The following RGS20 variants were observed in gnomAD, a reference collection of about 807,000 sequenced individuals.
The protein encoded by RGS20 is gz-selective GTPase-activating protein.
RGS20 carries 30 observed loss-of-function variants against 33.6 expected under a neutral mutation model. The ratio of observed to expected loss-of-function variants is 0.89; its 90% CI spans 0.67 to 1.21. The LOEUF (loss-of-function observed/expected upper bound fraction) is 1.21. Ranked by LOEUF, RGS20 falls within the 50% of genes most tolerant of loss-of-function variation. The pLI is 0.00. For synonymous variants in RGS20, 208 were observed against 197.9 expected (o/e 1.05, Z -0.43); for missense variants, 472 against 502.4 (o/e 0.94, Z 0.58).
intron 2 of RGS20, among the ~76,000 whole-genome samples, chr8:53,895,604 C>T (rs922109771): frequency 9.9e-5 from 15 of 151,842 alleles, no homozygotes. Flanking sequence ...CCTCTGCCTG[C>T]TTTTGTATGC....
intron 5 of RGS20, among the ~76,000 whole-genome samples, chr8:53,954,621 G>A (rs1814808084): frequency 6.6e-6 from 1 of 151,580 alleles, no homozygotes; most frequent in African/African-American, 2.4e-5. Context: ...CCGAGATTGT[G>A]CCATTGCACT....
At chr8:53,914,220 G>GAGGCCCCGCCCCCCGGTCAT in intron 2 of RGS20, among the ~76,000 whole-genome samples, 1 of 152,050 alleles carries the variant, frequency 6.6e-6, no homozygotes, top group African/African-American at 2.4e-5. Context: ...TGTAGAGATA[G>GAGGCCCCGCCCCCCGGTCAT]AGGTCATGCA....
chr8:53,883,136 C>T (rs1199460520), intron 2 of RGS20, among the ~76,000 whole-genome samples: 3 of 151,326 alleles, frequency 2.0e-5, no homozygotes, highest in Non-Finnish European at 4.4e-5. Context: ...ATCTTCTGTT[C>T]GTTAAGTGAC....
chr8:53,860,980 A>AC (rs1347878686), intron 1 of RGS20, among the ~76,000 whole-genome samples: 2 of 152,082 alleles, frequency 1.3e-5, no homozygotes, highest in African/African-American at 4.8e-5. Flanking sequence ...AAAAAAAAAA[A>AC]GATCAATCAG....
At chr8:53,924,964 T>A (rs1397762962) in intron 2 of RGS20, among the ~76,000 whole-genome samples, 2 of 152,188 alleles carry the variant, frequency 1.3e-5, no homozygotes, top group African/African-American at 4.8e-5. Flanking sequence ...TCTCAACTTT[T>A]AAAGCACTGA....
At chr8:53,932,287 C>G (rs750990413) in intron 2 of RGS20, among the ~76,000 whole-genome samples, 3 of 152,124 alleles carry the variant, frequency 2.0e-5, no homozygotes, top group Non-Finnish European at 4.4e-5. Context: ...GAACCGTTCA[C>G]ACCCCTGAAA....
chr8:53,856,735 C>T (rs555075609), intron 1 of RGS20, among the ~76,000 whole-genome samples: 3 of 152,288 alleles, frequency 2.0e-5, no homozygotes, highest in African/African-American at 7.2e-5. Context: ...ATGGTCAGAG[C>T]TTAGACAAGA....
intron 1 of RGS20, among the ~76,000 whole-genome samples, chr8:53,871,107 T>C (rs762564703): frequency 5.8e-5 from 5 of 85,914 alleles, no homozygotes; most frequent in African/African-American, 1.1e-4. Context: ...TGAGACTCCA[T>C]CTCACAAAAA....
At chr8:53,915,393 A>G (rs1813456192) in intron 2 of RGS20, among the ~76,000 whole-genome samples, 1 of 151,060 alleles carries the variant, frequency 6.6e-6, no homozygotes, top group Non-Finnish European at 1.5e-5. Context: ...TTCTACAGGG[A>G]TCTCCCGGAG....
intron 2 of RGS20, among the ~76,000 whole-genome samples, chr8:53,921,846 C>A (rs1813656665): frequency 6.6e-6 from 1 of 151,738 alleles, no homozygotes; most frequent in African/African-American, 2.4e-5. Context: ...ATTTTCTATT[C>A]CATTGTGTTT....
intron 2 of RGS20, among the ~76,000 whole-genome samples, chr8:53,903,410 C>T (rs1563380775): frequency 6.6e-6 from 1 of 152,166 alleles, no homozygotes. Flanking sequence ...CTGGAATGCT[C>T]GTTACACAGT....
At chr8:53,899,903 C>G (rs564098983) in intron 2 of RGS20, among the ~76,000 whole-genome samples, 49 of 152,292 alleles carry the variant, frequency 3.2e-4, no homozygotes, top group Non-Finnish European at 6.3e-4. Flanking sequence ...CCGCCCTCAG[C>G]AGACCTCCTG....
At chr8:53,948,338 T>C (rs527606641) in intron 4 of RGS20, among the ~76,000 whole-genome samples, 3 of 140,958 alleles carry the variant, frequency 2.1e-5, no homozygotes, top group Admixed American at 7.2e-5. Context: ...TATAAGACAG[T>C]ATATATTTAT....
chr8:53,895,500 C>G (rs1812832583), intron 2 of RGS20, among the ~76,000 whole-genome samples: 1 of 152,174 alleles, frequency 6.6e-6, no homozygotes, highest in African/African-American at 2.4e-5. Flanking sequence ...ACTTTAGAAT[C>G]TGCGCTTCCT....
At chr8:53,858,684 T>C (rs1013297316) in intron 1 of RGS20, among the ~76,000 whole-genome samples, 1 of 151,904 alleles carries the variant, frequency 6.6e-6, no homozygotes. Flanking sequence ...CGATGGCACA[T>C]GATACTGATT....
chr8:53,852,841 T>C (rs1186907671), intron 1 of RGS20, among the ~76,000 whole-genome samples: 2 of 152,220 alleles, frequency 1.3e-5, no homozygotes, highest in African/African-American at 4.8e-5. Context: ...GCTCATATCC[T>C]GATATCATTA....
intron 2 of RGS20, among the ~76,000 whole-genome samples, chr8:53,908,736 G>A (rs572954703): frequency 5.9e-5 from 9 of 151,940 alleles, no homozygotes; most frequent in East Asian, 1.9e-4. Flanking sequence ...CCCAGGAGGC[G>A]GAGGTAGCAG....
intron 2 of RGS20, among the ~76,000 whole-genome samples, chr8:53,886,649 G>A (rs1042847913): frequency 5.9e-5 from 9 of 152,160 alleles, no homozygotes; most frequent in East Asian, 1.9e-4. Context: ...TGGGTTGTAC[G>A]ATGTGCACCT....
intron 4 of RGS20, among the ~76,000 whole-genome samples, chr8:53,950,024 G>C (rs1414109808): frequency 6.6e-6 from 1 of 151,934 alleles, no homozygotes; most frequent in Non-Finnish European, 1.5e-5. Context: ...ATTTTTAGTA[G>C]AGATGGGGTT....
Sources: gnomAD v4.1 joint callset for allele counts (sites outside exome capture counted in the v4.1 genomes callset) on GRCh38, gnomAD v4.1.1 for gene constraint, MANE v1.5 for transcripts, NCBI Gene and HGNC (gene_info 2026-07-23, HGNC 2026-07-21) for gene names.